Variants in HYDIN observed in about 807,000 individuals in gnomAD.
HYDIN encodes the protein HYDIN axonemal central pair apparatus protein, also known as axonemal central pair apparatus protein HYDIN.
Under a neutral mutation model 403.9 loss-of-function variants are expected in HYDIN, and 132 were observed. The observed-to-expected ratio is 0.33, with a 90% CI of 0.28 to 0.38. The LOEUF (loss-of-function observed/expected upper bound fraction) is 0.38, where lower values mean the gene tolerates loss of function less well. HYDIN is among the 10% of genes least tolerant of loss of function. HYDIN has a pLI of 1.00. For missense variants in HYDIN, 2,827 were observed against 5,009.5 expected, an observed-to-expected ratio of 0.56 and a Z score of 13.15; for synonymous variants, 1,202 against 1,891.7, an observed-to-expected ratio of 0.64 and a Z score of 9.46.
intron 28 of HYDIN, among the ~76,000 whole-genome samples, chr16:70,984,384 TAAAAAAAAAAAA>T (rs71387558): frequency 1.1e-5 from 1 of 90,724 alleles, no homozygotes; most frequent in Non-Finnish European, 2.3e-5. Context: ...GACATGGTCT[TAAAAAAAAAAAA>T]AAAAAAAAAG....
intron 1 of HYDIN, among the ~76,000 whole-genome samples, chr16:71,228,395 T>G (rs1055023394): frequency 6.6e-6 from 1 of 151,878 alleles, no homozygotes; most frequent in African/African-American, 2.4e-5. Context: ...TGGGAGAAAA[T>G]TTTTGCAATC....
chr16:71,130,777 C>A (rs1162668194), intron 8 of HYDIN, among the ~76,000 whole-genome samples: 1 of 151,496 alleles, frequency 6.6e-6, no homozygotes, highest in African/African-American at 2.5e-5. Context: ...CGTGAGCCAC[C>A]GCGCCCGGCC....
chr16:71,051,149 G>A (rs1017447154), intron 18 of HYDIN, among the ~76,000 whole-genome samples: 28 of 152,000 alleles, frequency 1.8e-4, no homozygotes, highest in African/African-American at 6.3e-4. Flanking sequence ...TCCTAGGAAT[G>A]TAAAAGTGAT....
At position 70,860,252 on chromosome 16, in the gene HYDIN, T is replaced by C. The variant is rs2039324112; in HGVS notation, c.11991-46A>G. On this transcript the variant is annotated intron_variant, in intron 70 of 85. Transcript: ENST00000393567. ...TGACAGAAGAGAGTGGGACAGGGGA[T>C]TGAGGATTAAGAGAAATTTCTTAGA... The C allele has an allele frequency of 2.5e-6, 4 of 1,590,544 alleles. No homozygotes were observed. In the Admixed American group the frequency reaches 5.6e-5, roughly 22 times the overall value.
chr16:70,918,098 G>A, intron 47 of HYDIN, 113 bp downstream of exon 47: 1 of 442,264 alleles, frequency 2.3e-6, no homozygotes. Flanking sequence ...AAATAACCCA[G>A]CGAGCAGAAC....
chr16:70,846,548 T>A (rs2038216539), intron 75 of HYDIN, among the ~76,000 whole-genome samples: 3 of 139,118 alleles, frequency 2.2e-5, no homozygotes, highest in Non-Finnish European at 4.7e-5. Flanking sequence ...TCTGTAGATG[T>A]GTATTAGGTC....
chr16:71,223,045 G>C (rs993117384), intron 1 of HYDIN, among the ~76,000 whole-genome samples: 7 of 152,106 alleles, frequency 4.6e-5, no homozygotes, highest in Admixed American at 4.6e-4. Flanking sequence ...AACAAATCTA[G>C]AGGCATCACA....
chr16:71,084,609 G>A (rs1270053743), intron 12 of HYDIN, among the ~76,000 whole-genome samples: 7 of 145,670 alleles, frequency 4.8e-5, no homozygotes, highest in East Asian at 2.1e-4. Flanking sequence ...GGCTGGTCTC[G>A]AACTCCTGGC....
chr16:71,124,341 T>C (rs1203414683), intron 9 of HYDIN, among the ~76,000 whole-genome samples: 1 of 152,258 alleles, frequency 6.6e-6, no homozygotes, highest in Non-Finnish European at 1.5e-5. Flanking sequence ...ATTCTTATAG[T>C]ATTGAGTCAA....
intron 21 of HYDIN, among the ~76,000 whole-genome samples, chr16:71,021,711 T>A (rs2080502431): frequency 6.6e-6 from 1 of 152,172 alleles, no homozygotes; most frequent in Non-Finnish European, 1.5e-5. Flanking sequence ...CTCCCTCCAA[T>A]CATCCCCTGG....
chr16:71,189,638 G>A (rs571987191), intron 1 of HYDIN, among the ~76,000 whole-genome samples: 11 of 151,982 alleles, frequency 7.2e-5, no homozygotes, highest in South Asian at 2.1e-4. Context: ...ATAGTGGCAC[G>A]TGCCTGTAGT....
chr16:71,083,844 G>C (rs2082856599), intron 12 of HYDIN, among the ~76,000 whole-genome samples: 1 of 132,844 alleles, frequency 7.5e-6, no homozygotes, highest in African/African-American at 2.9e-5. Flanking sequence ...TCACTTAGTA[G>C]CTGTCTTGGT....
chr16:70,947,421 G>A (rs1221805766), intron 41 of HYDIN, among the ~76,000 whole-genome samples: 9 of 152,010 alleles, frequency 5.9e-5, no homozygotes, highest in African/African-American at 2.2e-4. Context: ...GCTTTCTGAT[G>A]TGCTGCTGGA....
intron 1 of HYDIN, among the ~76,000 whole-genome samples, chr16:71,207,549 C>T (rs1386361676): frequency 6.6e-6 from 1 of 152,146 alleles, no homozygotes; most frequent in Non-Finnish European, 1.5e-5. Flanking sequence ...TATATGATAA[C>T]AGAATCAAAT....
chr16:70,829,848 C>T lies in HYDIN; in HGVS notation c.13900-18G>A, dbSNP rs1398911923. On this transcript the variant is annotated intron_variant, in intron 80 of 85. Transcript: ENST00000393567. ...TTCACTACCTGGAAGAAAGCAGGCA[C>T]CTCATCTTCCATGGCACTTCCCCCT... 3 of 1,610,198 alleles carry T rather than the reference C, an allele frequency of 1.9e-6. No individual in the cohort carries two copies. The highest frequency in any genetic ancestry group is 2.2e-5 in the South Asian group (2 of 90,606).
intron 71 of HYDIN, among the ~76,000 whole-genome samples, chr16:70,859,611 T>G (rs2039275276): frequency 6.6e-6 from 1 of 152,230 alleles, no homozygotes; most frequent in Non-Finnish European, 1.5e-5. Flanking sequence ...ATTTCTTTAA[T>G]TCTGCTCCAT....
intron 36 of HYDIN, 117 bp downstream of exon 36, chr16:70,970,402 TC>T (rs2078699225): frequency 1.7e-6 from 1 of 600,200 alleles, no homozygotes; most frequent in African/African-American, 1.9e-5. Context: ...TTTACTCAGG[TC>T]AAGGGAAGTA....
At chr16:70,818,855 G>C (rs1340047173) in intron 83 of HYDIN, among the ~76,000 whole-genome samples, 2 of 151,988 alleles carry the variant, frequency 1.3e-5, no homozygotes, top group Non-Finnish European at 2.9e-5. Context: ...TTCCCTGGTG[G>C]GGACAGCTGG....
intron 10 of HYDIN, among the ~76,000 whole-genome samples, chr16:71,099,885 C>A (rs1346652932): frequency 6.6e-6 from 1 of 152,064 alleles, no homozygotes; most frequent in African/African-American, 2.4e-5. Flanking sequence ...AGCCTGTAGT[C>A]CCAGCTATTT....
Sources: allele counts gnomAD v4.1 joint callset (sites outside exome capture counted in the v4.1 genomes callset), GRCh38; gene constraint gnomAD v4.1.1; transcripts MANE v1.5; gene names NCBI Gene and HGNC (gene_info 2026-07-23, HGNC 2026-07-21).